Variants in THSD7B observed in about 807,000 individuals in gnomAD.
THSD7B encodes the protein thrombospondin type 1 domain containing 7B.
THSD7B carries 138 observed loss-of-function variants against 213.6 expected under a neutral mutation model. That is an observed-to-expected ratio of 0.65 (90% CI 0.56 to 0.74). The LOEUF is 0.74. Ranked by LOEUF, THSD7B falls within the 30% of genes least tolerant of loss-of-function variation. THSD7B has a pLI of 0.00. For synonymous variants in THSD7B, 742 were observed against 687.0 expected (o/e 1.08, Z -1.25); for missense variants, 1,931 against 1,991.5 (o/e 0.97, Z 0.58).
intron 15 of THSD7B, among the ~76,000 whole-genome samples, chr2:137,556,151 A>G (rs1413398393): frequency 6.6e-6 from 1 of 152,224 alleles, no homozygotes; most frequent in Admixed American, 6.5e-5. Context: ...TCCCCAACCT[A>G]GCAAGACAGG....
At chr2:136,869,645 TTTTC>T (rs1209862938) in intron 1 of THSD7B, among the ~76,000 whole-genome samples, 6 of 152,226 alleles carry the variant, frequency 3.9e-5, no homozygotes, top group African/African-American at 1.4e-4. Context: ...GTGAAGTTTG[TTTTC>T]TTTGATTCCA....
chr2:137,120,873 TC>T (rs1340478790), intron 5 of THSD7B, among the ~76,000 whole-genome samples: 1 of 152,196 alleles, frequency 6.6e-6, no homozygotes, highest in African/African-American at 2.4e-5. Context: ...CATCTTTAAA[TC>T]CCCACTCTTT....
intron 7 of THSD7B, among the ~76,000 whole-genome samples, chr2:137,191,254 T>A (rs1375155283): frequency 6.6e-6 from 1 of 152,208 alleles, no homozygotes; most frequent in Non-Finnish European, 1.5e-5. Flanking sequence ...GATTTGTGAT[T>A]CCCTTCTCGA....
chr2:136,908,441 A>T (rs1453157461), intron 2 of THSD7B, among the ~76,000 whole-genome samples: 2 of 152,230 alleles, frequency 1.3e-5, no homozygotes, highest in African/African-American at 4.8e-5. Flanking sequence ...AATTTGAACT[A>T]GAATATAATT....
At chr2:136,818,118 T>C (rs1267521612) in intron 1 of THSD7B, among the ~76,000 whole-genome samples, 1 of 150,226 alleles carries the variant, frequency 6.7e-6, no homozygotes, top group East Asian at 1.9e-4. Flanking sequence ...TGCGGCATTA[T>C]TCACAATAGC....
At chr2:137,659,841 A>C (rs1165539313) in intron 25 of THSD7B, 95 bp downstream of exon 25, 1 of 1,191,080 alleles carries the variant, frequency 8.4e-7, no homozygotes, top group East Asian at 2.7e-5. Flanking sequence ...CCCAAGCAGC[A>C]GTTCCACGTG....
intron 10 of THSD7B, among the ~76,000 whole-genome samples, chr2:137,252,842 C>T (rs1349226211): frequency 6.6e-6 from 1 of 151,704 alleles, no homozygotes; most frequent in Non-Finnish European, 1.5e-5. Context: ...TCTCTTGTGC[C>T]TCCACCAGTT....
intron 2 of THSD7B, among the ~76,000 whole-genome samples, chr2:136,886,105 G>T (rs1683711865): frequency 6.6e-6 from 1 of 152,148 alleles, no homozygotes; most frequent in African/African-American, 2.4e-5. Context: ...GGGGAGGCCA[G>T]CATGCAGGAG....
intron 10 of THSD7B, among the ~76,000 whole-genome samples, chr2:137,257,983 T>G (rs1227684024): frequency 6.6e-6 from 1 of 152,150 alleles, no homozygotes; most frequent in Non-Finnish European, 1.5e-5. Flanking sequence ...GAGTAATTGT[T>G]ATAGGTTCTT....
chr2:137,401,542 T>C (rs997956410), intron 12 of THSD7B, among the ~76,000 whole-genome samples: 1 of 152,176 alleles, frequency 6.6e-6, no homozygotes, highest in Non-Finnish European at 1.5e-5. Flanking sequence ...TGAAAATAAA[T>C]TAGAATTCTG....
chr2:137,011,008 A>G (rs907903357), intron 2 of THSD7B, among the ~76,000 whole-genome samples: 6 of 152,158 alleles, frequency 3.9e-5, no homozygotes, highest in Admixed American at 1.3e-4. Context: ...TTTATCATCA[A>G]GGTTGATGTT....
chr2:137,060,907 G>C (rs1262447901), intron 3 of THSD7B, among the ~76,000 whole-genome samples: 1 of 151,466 alleles, frequency 6.6e-6, no homozygotes, highest in African/African-American at 2.4e-5. Flanking sequence ...ATTTTGATTG[G>C]GATTGCATGT....
chr2:137,017,448 G>A lies in THSD7B; in HGVS notation c.140-38972G>A, dbSNP rs78101412. Among the ~76,000 whole-genome samples, 702 of 152,208 alleles carry A rather than the reference G, an allele frequency of 4.6e-3. 6 individuals are homozygous for A. Among genetic ancestry groups the A allele is most frequent in the African/African-American group, 0.015 (643 of 41,548 alleles). ...AGCCAGGACAAGCAGAGGAGAAGAT[G>A]GCTCAAGTGAGGTTGAAAGAGGGCG... is the stretch of plus-strand genomic sequence containing the variant. On this transcript the variant is annotated intron_variant, in intron 2 of 27. Transcript: ENST00000409968.
At chr2:137,092,164 G>C (rs1057191985) in intron 3 of THSD7B, among the ~76,000 whole-genome samples, 1 of 152,154 alleles carries the variant, frequency 6.6e-6, no homozygotes, top group Non-Finnish European at 1.5e-5. Flanking sequence ...GCCAATCCTG[G>C]CACTTTGGGA....
At chr2:137,537,819 A>T (rs1680534320) in intron 15 of THSD7B, among the ~76,000 whole-genome samples, 1 of 151,440 alleles carries the variant, frequency 6.6e-6, no homozygotes, top group Non-Finnish European at 1.5e-5. Context: ...TATCTATTTT[A>T]TACCAGGCAC....
At chr2:137,653,629 C>A (rs1329910700) in intron 21 of THSD7B, among the ~76,000 whole-genome samples, 1 of 150,190 alleles carries the variant, frequency 6.7e-6, no homozygotes. Context: ...CATTCTTTTT[C>A]TCCTCTGACT....
chr2:137,011,324 A>G (rs920550157), intron 2 of THSD7B, among the ~76,000 whole-genome samples: 3 of 152,150 alleles, frequency 2.0e-5, no homozygotes, highest in African/African-American at 7.2e-5. Flanking sequence ...TTCAGTTAGT[A>G]TAAAGAAAGC....
At chr2:137,327,256 A>G (rs1684394316) in intron 12 of THSD7B, among the ~76,000 whole-genome samples, 1 of 152,212 alleles carries the variant, frequency 6.6e-6, no homozygotes, top group South Asian at 2.1e-4. Flanking sequence ...ACATTCTGTG[A>G]CATCTGCTGA....
At chr2:137,126,520 G>C (rs1688631713) in intron 5 of THSD7B, among the ~76,000 whole-genome samples, 2 of 142,690 alleles carry the variant, frequency 1.4e-5, no homozygotes, top group South Asian at 4.3e-4. Context: ...TTAAGACCTT[G>C]CTCTGGATTA....
Sources: gnomAD v4.1 joint callset for allele counts (sites outside exome capture counted in the v4.1 genomes callset) on GRCh38, gnomAD v4.1.1 for gene constraint, MANE v1.5 for transcripts, NCBI Gene and HGNC (gene_info 2026-07-23, HGNC 2026-07-21) for gene names.